DDX31: variants seen among roughly 807,000 people sequenced by gnomAD.
DDX31 encodes ATP-dependent DNA helicase DDX31.
DDX31 carries 70 observed loss-of-function variants against 91.3 expected under a neutral mutation model. The ratio of observed to expected loss-of-function variants is 0.77; its 90% CI spans 0.63 to 0.94. DDX31 has a LOEUF of 0.94. Among genes scored for constraint, DDX31 ranks in the 40% least tolerant of loss-of-function variants. The pLI, the probability that DDX31 is intolerant of heterozygous loss-of-function variation, is 0.00. For synonymous variants in DDX31, 362 were observed against 350.6 expected (o/e 1.03, Z -0.36); for missense variants, 902 against 925.0 (o/e 0.98, Z 0.32).
At position 132,595,661 on chromosome 9, in the gene DDX31, G is replaced by A. The variant is rs1490131322; in HGVS notation, c.1995-549C>T. ...GACAGCCAGATAGCTCTTTATGAAC[G>A]GAAAAAACTCTTAAACATATTTCTG... On this transcript the variant is annotated intron_variant, in intron 19 of 19. Coordinates refer to ENST00000372159, the MANE Select transcript of DDX31 (RefSeq NM_022779.9). This position sits in a 1 kb window ranked among gnomAD's most constrained non-coding sequence, Gnocchi z 4.6. 7.9e-5 allele frequency among the ~76,000 whole-genome samples: 12 copies of A among 152,232 alleles called. No homozygotes were observed. The East Asian group carries it at 1.9e-3, about 24-fold the overall frequency.
chr9:132,594,828 C>T lies in DDX31; in HGVS notation c.*38G>A, dbSNP rs553394587. ...AACTGGACATCAATCCACTGCCACC[C>T]GGGGCTTCCAGGTTCCACTCGAAGA... On this transcript the variant is annotated 3_prime_UTR_variant, in exon 20 of 20. Coordinates refer to ENST00000372159, the MANE Select transcript of DDX31 (RefSeq NM_022779.9). 11 of 1,603,812 alleles carry T rather than the reference C, an allele frequency of 6.9e-6. No homozygotes were observed. The East Asian group carries it at 1.1e-4, about 16-fold the overall frequency.
rs756890376 is a variant in DDX31, at chr9:132,662,636, C to G, written c.135G>C (p.Arg45=). 4.3e-6 allele frequency: 7 copies of G among 1,614,174 alleles called. No individual in the cohort carries two copies. The South Asian group carries it at 7.7e-5, about 18-fold the overall frequency. ...CTGGGAGAAATGAAGTTTCGTTCCT[C>G]CGTTTCGCTGGGGGAGCCTCACTGG... The part of the protein sequence containing the change: ...QASSEAPPAK[R]RNETSFLPAK... Residue 45 remains arginine (R), a synonymous_variant, in exon 2 of 20, where the codon CGG becomes CGC. Coordinates refer to ENST00000372159, the MANE Select transcript of DDX31 (RefSeq NM_022779.9).
In DDX31 at chr9:132,593,719, A is replaced by G. The variant is rs1830305236; in HGVS notation, c.*1147T>C. On this transcript the variant is annotated 3_prime_UTR_variant, in exon 20 of 20. Transcript: ENST00000372159. Reference sequence around the variant, plus strand: ...CCCTGCAGGAAGGCCCACCTTGCCAACTCTCACCACCCTCTCGTGGCCACT... The same window carrying G: ...CCCTGCAGGAAGGCCCACCTTGCCAGCTCTCACCACCCTCTCGTGGCCACT... 6.6e-6 allele frequency: 1 copy of G among 151,582 alleles called. No homozygotes were observed. The highest frequency in any genetic ancestry group is 2.4e-5 in the African/African-American group (1 of 41,172). 9.4% of individuals were successfully genotyped at this position (151,582 alleles called of 1,614,324 possible). A position where few individuals can be genotyped will look rare whatever the true frequency, so the allele number is the denominator to read the frequency against.
intron 1 of DDX31, among the ~76,000 whole-genome samples, chr9:132,666,772 T>A (rs575167580): frequency 8.6e-5 from 13 of 150,666 alleles, no homozygotes; most frequent in African/African-American, 3.2e-4. Context: ...AGTGGCGCAA[T>A]CTCGGCTCAC....
At chr9:132,631,028 T>G (rs1042002617) in intron 15 of DDX31, among the ~76,000 whole-genome samples, 9 of 152,220 alleles carry the variant, frequency 5.9e-5, no homozygotes, top group Non-Finnish European at 1.0e-4. Flanking sequence ...GGGACATGCT[T>G]CTGCTTGCAC....
rs376220904 is a variant in DDX31 at position 132,621,716 on chromosome 9, G to A, written c.1714-3275C>T. On this transcript the variant is annotated intron_variant, in intron 17 of 19. Transcript: ENST00000372159. ...AATTAAGACACACGTTATTTCTTACGCATAACAGATTTAAAAGTTGTATCC... is the reference window on the plus strand; with the variant it reads ...AATTAAGACACACGTTATTTCTTACACATAACAGATTTAAAAGTTGTATCC... 2.6e-5 allele frequency among the ~76,000 whole-genome samples: 4 copies of A among 152,112 alleles called. No individual in the cohort carries two copies. In the East Asian group the frequency reaches 7.7e-4, roughly 29 times the overall value.
chr9:132,605,866 A>G (rs1278718589), intron 19 of DDX31, among the ~76,000 whole-genome samples: 2 of 152,028 alleles, frequency 1.3e-5, no homozygotes, highest in African/African-American at 4.8e-5. Flanking sequence ...TGCCACTGAA[A>G]GGCGCTAAGC....
intron 18 of DDX31, among the ~76,000 whole-genome samples, chr9:132,614,112 C>T (rs902870126): frequency 2.0e-5 from 3 of 152,130 alleles, no homozygotes; most frequent in Admixed American, 1.3e-4. Flanking sequence ...CCCAGCAGCA[C>T]CTGGAGATTG....
At position 132,595,027 on chromosome 9, in the gene DDX31, T is replaced by C. The variant is rs306547; in HGVS notation, c.2080A>G (p.Ile694Val). 1,244,677 of 1,614,124 alleles carry C rather than the reference T, an allele frequency of 0.77. 481,763 individuals are homozygous for C. Among genetic ancestry groups the C allele is most frequent in the African/African-American group, 0.92 (68,879 of 75,032 alleles). ...GCGTTTTGCTTTTTGACCTTGGCGA[T>C]GTCGGCCTCCATGCCGCTTGAGTAT... ...SEYSSGMEADIAKVKKQNAPG... is the reference protein window; with the variant it reads ...SEYSSGMEADVAKVKKQNAPG... Residue 694 changes from isoleucine (I) to valine (V), a missense_variant, in exon 20 of 20, where the codon ATC becomes GTC. Transcript: ENST00000372159. The surrounding 1 kb of genome is among the most constrained non-coding windows in gnomAD (Gnocchi z 4.6).
At chr9:132,601,511 G>A (rs1371435537) in intron 19 of DDX31, among the ~76,000 whole-genome samples, 1 of 152,182 alleles carries the variant, frequency 6.6e-6, no homozygotes, top group Non-Finnish European at 1.5e-5. Flanking sequence ...CATCATGGGG[G>A]CCAGTGCCTG....
chr9:132,628,053 C>T (rs1324790093), intron 16 of DDX31, among the ~76,000 whole-genome samples: 2 of 152,206 alleles, frequency 1.3e-5, no homozygotes, highest in Non-Finnish European at 2.9e-5. Context: ...TGCATTAAGT[C>T]AAAGAAACAG....
intron 1 of DDX31, among the ~76,000 whole-genome samples, chr9:132,665,287 C>T (rs1165102124): frequency 6.6e-6 from 1 of 152,162 alleles, no homozygotes; most frequent in Non-Finnish European, 1.5e-5. Context: ...GCTTTTCTCC[C>T]CCAGCATCCA....
intron 17 of DDX31, among the ~76,000 whole-genome samples, chr9:132,622,753 T>C (rs529903816): frequency 2.0e-5 from 3 of 152,366 alleles, no homozygotes; most frequent in East Asian, 1.9e-4. Flanking sequence ...CTGGGATTCA[T>C]GTCCCTGAGT....
At chr9:132,653,643 C>T (rs1834363029) in intron 6 of DDX31, among the ~76,000 whole-genome samples, 1 of 151,234 alleles carries the variant, frequency 6.6e-6, no homozygotes, top group African/African-American at 2.4e-5. Context: ...TTAAAAACAC[C>T]TCTGAGGGGC....
chr9:132,594,748 G>A lies in DDX31; in HGVS notation c.*118C>T. ...GGGCTGTGGCCCCTCTGATTCTTGG[G>A]GACGTGGTATTCAGGCAAAGGCGCA... is the stretch of plus-strand genomic sequence containing the variant. On this transcript the variant is annotated 3_prime_UTR_variant, in exon 20 of 20. Coordinates refer to ENST00000372159, the MANE Select transcript of DDX31 (RefSeq NM_022779.9). 4 of 1,482,580 alleles carry A rather than the reference G, an allele frequency of 2.7e-6. No individual in the cohort carries two copies. The highest frequency in any genetic ancestry group is 3.6e-6 in the Non-Finnish European group (4 of 1,102,240). 91.8% of individuals were successfully genotyped at this position (1,482,580 alleles called of 1,614,324 possible). A position where few individuals can be genotyped will look rare whatever the true frequency, so the allele number is the denominator to read the frequency against.
At chr9:132,657,612 G>A (rs954597512) in intron 6 of DDX31, among the ~76,000 whole-genome samples, 3 of 152,192 alleles carry the variant, frequency 2.0e-5, no homozygotes, top group Non-Finnish European at 4.4e-5. Flanking sequence ...ATATCAGGTA[G>A]GCTAGATATA....
At chr9:132,602,586 G>A (rs1490163562) in intron 19 of DDX31, among the ~76,000 whole-genome samples, 3 of 152,150 alleles carry the variant, frequency 2.0e-5, no homozygotes, top group Admixed American at 6.5e-5. Context: ...TCCAGACCTA[G>A]AGGAAACTGG....
chr9:132,662,926 C>T (rs1458787503), intron 1 of DDX31, among the ~76,000 whole-genome samples: 1 of 152,154 alleles, frequency 6.6e-6, no homozygotes, highest in Non-Finnish European at 1.5e-5. Flanking sequence ...TCTACCAGAC[C>T]TCACCAGCCA....
At chr9:132,669,318 G>A (rs929470003) in intron 1 of DDX31, among the ~76,000 whole-genome samples, 7 of 135,594 alleles carry the variant, frequency 5.2e-5, no homozygotes, top group African/African-American at 2.0e-4. Context: ...CATGTTTAGG[G>A]GTAATATTTT....
Sources: allele counts gnomAD v4.1 joint callset (sites outside exome capture counted in the v4.1 genomes callset), GRCh38; gene constraint gnomAD v4.1.1; non-coding constraint Gnocchi (gnomAD v3.1); transcripts MANE v1.5; gene names NCBI Gene and HGNC (gene_info 2026-07-23, HGNC 2026-07-21).